RIF1: variants seen among roughly 807,000 people sequenced by gnomAD.
RIF1 encodes the protein telomere-associated protein RIF1.
A neutral mutation model predicts 247.1 loss-of-function variants in RIF1; 45 were observed. That is an observed-to-expected ratio of 0.18 (90% CI 0.14 to 0.23). The LOEUF (loss-of-function observed/expected upper bound fraction) is 0.23, where lower values mean the gene tolerates loss of function less well. RIF1 is among the 10% of genes least tolerant of loss of function. The pLI, the probability that RIF1 is intolerant of heterozygous loss-of-function variation, is 1.00. For missense variants in RIF1, 2,967 were observed against 2,862.5 expected (o/e 1.04, Z -0.83); for synonymous variants, 1,087 against 978.8 (o/e 1.11, Z -2.06).
At chr2:151,508,383 GT>G (rs1288401970), downstream of RIF1, among the ~76,000 whole-genome samples, 1 of 152,204 alleles carries the variant, frequency 6.6e-6, no homozygotes, top group East Asian at 1.9e-4. Context: ...TTGCTAGCTG[GT>G]CCACAGGAGG....
At chr2:151,467,963 T>G (rs370383335) in intron 30 of RIF1, 37 bp from the exon 31 acceptor site, 2 of 1,554,720 alleles carry the variant, frequency 1.3e-6, no homozygotes, top group East Asian at 4.5e-5. Context: ...TTAAAAACTT[T>G]AATTTTGTTA....
intron 3 of RIF1, among the ~76,000 whole-genome samples, chr2:151,412,960 A>G (rs747213515): frequency 1.3e-5 from 2 of 151,876 alleles, no homozygotes; most frequent in Non-Finnish European, 2.9e-5. Flanking sequence ...CATTTTCTTC[A>G]TTATCATATT....
intron 10 of RIF1, chr2:151,496,258 T>C: frequency 6.4e-7 from 1 of 1,573,704 alleles, no homozygotes; most frequent in Non-Finnish European, 8.7e-7. Flanking sequence ...GTAGTTTTTT[T>C]CTTTTCTCGC....
At chr2:151,410,573 T>C in intron 2 of RIF1, 46 bp downstream of exon 2, 1 of 1,474,354 alleles carries the variant, frequency 6.8e-7, no homozygotes, top group African/African-American at 1.4e-5. Flanking sequence ...CGCTCTATAG[T>C]GGGGAGAAAG....
chr2:151,416,530 C>G (rs1174304500), intron 4 of RIF1, 31 bp from the exon 5 acceptor site: 1 of 1,560,714 alleles, frequency 6.4e-7, no homozygotes, highest in South Asian at 1.2e-5. Flanking sequence ...ATCACCTATT[C>G]TATACAAAAT....
At chr2:151,444,931 A>G (rs1050302199) in intron 18 of RIF1, among the ~76,000 whole-genome samples, 3 of 152,126 alleles carry the variant, frequency 2.0e-5, no homozygotes, top group Non-Finnish European at 4.4e-5. Flanking sequence ...AGTTGGTAGG[A>G]TTGGTTTCTC....
chr2:151,435,763 TTTTG>T (rs1691064495), intron 11 of RIF1, among the ~76,000 whole-genome samples, 183 bp downstream of exon 11: 1 of 152,020 alleles, frequency 6.6e-6, no homozygotes, highest in East Asian at 1.9e-4. Context: ...TTTTTCTGTT[TTTTG>T]TTTTTTTTTT....
chr2:151,410,586 G>C (rs911191524), intron 2 of RIF1, 59 bp downstream of exon 2: 1 of 1,400,506 alleles, frequency 7.1e-7, no homozygotes, highest in East Asian at 2.3e-5. Context: ...GGAGAAAGAA[G>C]GTGGTTGGGA....
At chr2:151,453,973 G>A (rs939712994) in intron 21 of RIF1, among the ~76,000 whole-genome samples, 1 of 152,082 alleles carries the variant, frequency 6.6e-6, no homozygotes, top group Non-Finnish European at 1.5e-5. Context: ...TTTACAACTT[G>A]ATCATTCACT....
Position 151,427,103 on chromosome 2 carries a change from C to A in RIF1, c.787-1681C>A, listed in dbSNP as rs568330799. ...TTTTTTTTTTGTTACCGGTTTATAG[C>A]CTGTTAAGATTATATGTGGTTTATA... is the stretch of plus-strand genomic sequence containing the variant. On this transcript the variant is annotated intron_variant, in intron 8 of 35. Coordinates refer to ENST00000444746, the MANE Select transcript of RIF1 (RefSeq NM_018151.5). 1.3e-3 allele frequency among the ~76,000 whole-genome samples: 191 copies of A among 151,908 alleles called. 2 individuals carry two copies. Among genetic ancestry groups the A allele is most frequent in the African/African-American group, 4.5e-3 (187 of 41,430 alleles).
Position 151,409,954 on chromosome 2 carries a change from G to A in RIF1, c.-90G>A, listed in dbSNP as rs1324282411. 2.9e-6 allele frequency: 2 copies of A among 701,674 alleles called. No homozygotes were observed. The highest frequency in any genetic ancestry group is 3.0e-5 in the South Asian group (2 of 66,954). The allele number at this position is 701,674 out of a possible 1,614,324, so 43.5% of individuals were successfully genotyped here. On this transcript the variant is annotated 5_prime_UTR_variant, in exon 1 of 36. Transcript: ENST00000444746. Reference sequence around the variant, plus strand: ...GCGCCGCACGCGTGAGTAAACAGCCGGAGCTGGGAAAGTCGAGCTCTGGCA... The same window carrying A: ...GCGCCGCACGCGTGAGTAAACAGCCAGAGCTGGGAAAGTCGAGCTCTGGCA...
At chr2:151,512,722 A>T (rs1206322342), downstream of RIF1, 1 of 1,594,640 alleles carries the variant, frequency 6.3e-7, no homozygotes, top group South Asian at 1.1e-5. Flanking sequence ...TGGCATGACG[A>T]ATGTCCTTAC....
At chr2:151,496,683 GTGT>G (rs2060446904) in intron 10 of RIF1, among the ~76,000 whole-genome samples, 2 of 152,052 alleles carry the variant, frequency 1.3e-5, no homozygotes, top group Admixed American at 1.3e-4. Flanking sequence ...TTAGAACTCA[GTGT>G]TGTTATCCAC....
At chr2:151,412,019 T>G (rs1686327101) in intron 3 of RIF1, among the ~76,000 whole-genome samples, 1 of 152,224 alleles carries the variant, frequency 6.6e-6, no homozygotes, top group Non-Finnish European at 1.5e-5. Context: ...TCTAAGTAAG[T>G]GCTTCTAAAA....
intron 6 of RIF1, among the ~76,000 whole-genome samples, chr2:151,417,666 AT>A (rs1355118036): frequency 2.0e-5 from 3 of 152,226 alleles, no homozygotes; most frequent in Non-Finnish European, 4.4e-5. Flanking sequence ...CTTACATTGT[AT>A]TAGCTATTAT....
At position 151,414,819 on chromosome 2, in the gene RIF1, G is replaced by A; in HGVS notation, c.184-4G>A. On this transcript the variant is annotated splice_region_variant and splice_polypyrimidine_tract_variant and intron_variant, in intron 3 of 35. Coordinates refer to ENST00000444746, the MANE Select transcript of RIF1 (RefSeq NM_018151.5). ...TTGTAATAAATGTGATTTTGTTTTTGTAGACTCACATTTCCAGTCAAAACT... is the reference window on the plus strand; with the variant it reads ...TTGTAATAAATGTGATTTTGTTTTTATAGACTCACATTTCCAGTCAAAACT... The A allele has an allele frequency of 6.3e-7, 1 of 1,599,176 alleles. No individual in the cohort carries two copies. Among genetic ancestry groups the A allele is most frequent in the Middle Eastern group, 1.7e-4 (1 of 5,940 alleles).
intron 3 of RIF1, among the ~76,000 whole-genome samples, chr2:151,413,434 T>C (rs1263386038): frequency 3.3e-5 from 5 of 152,184 alleles, no homozygotes; most frequent in African/African-American, 4.8e-5. Flanking sequence ...TTTTAAGCAA[T>C]GAAAGGATAA....
intron 2 of RIF1, 36 bp downstream of exon 2, chr2:151,410,563 C>A: frequency 1.3e-6 from 2 of 1,510,600 alleles, no homozygotes; most frequent in Non-Finnish European, 1.8e-6. Flanking sequence ...GAGAGTGGGG[C>A]GCTCTATAGT....
Position 151,465,216 on chromosome 2 carries a change from T to C in RIF1, c.5696T>C (p.Val1899Ala), listed in dbSNP as rs1379076919. ...KMELSLENVT[V>A]EGNACKVTES... ...GAACTGAGTCTAGAGAATGTTACTG[T>C]TGAAGGAAATGCATGTAAAGTAACA... The change falls in exon 30 of 36, where the codon GTT (valine) becomes GCT (alanine). Residue 1899 changes from valine (V) to alanine (A), a missense_variant. Val to Ala is a moderately conservative substitution (Grantham distance 64, BLOSUM62 0). This residue lies in a region of RIF1 where 2,028 missense variants were observed against 1,825.6 expected (regional missense o/e 1.11). Transcript: ENST00000444746. 6.2e-7 allele frequency: 1 copy of C among 1,611,152 alleles called. No homozygotes were observed. Among genetic ancestry groups the C allele is most frequent in the Non-Finnish European group, 8.5e-7 (1 of 1,179,412 alleles).
Sources: gnomAD v4.1 joint callset for allele counts (sites outside exome capture counted in the v4.1 genomes callset) on GRCh38, gnomAD v4.1.1 for gene constraint, gnomAD v4.1.1 regional missense constraint, MANE v1.5 for transcripts, NCBI Gene and HGNC (gene_info 2026-07-23, HGNC 2026-07-21) for gene names.